Variants in SORCS1 observed in about 807,000 individuals in gnomAD.
SORCS1 encodes VPS10 domain-containing receptor SorCS1.
SORCS1 carries 60 observed loss-of-function variants against 146.1 expected under a neutral mutation model. The observed-to-expected ratio is 0.41, with a 90% CI of 0.33 to 0.51. SORCS1 has a LOEUF of 0.51. Ranked by LOEUF, SORCS1 falls within the 20% of genes least tolerant of loss-of-function variation. The pLI is 0.21. For missense variants in SORCS1, 1,352 were observed against 1,487.6 expected (o/e 0.91, Z 1.50); for synonymous variants, 637 against 584.0 (o/e 1.09, Z -1.31).
At chr10:106,967,483 C>A (rs1955551423) in intron 1 of SORCS1, among the ~76,000 whole-genome samples, 1 of 152,046 alleles carries the variant, frequency 6.6e-6, no homozygotes, top group South Asian at 2.1e-4. Context: ...GAGGAAAATG[C>A]ATATTCAAGA....
chr10:106,954,247 CTATACTT>C (rs1421501233), intron 2 of SORCS1, among the ~76,000 whole-genome samples: 1 of 152,132 alleles, frequency 6.6e-6, no homozygotes, highest in Non-Finnish European at 1.5e-5. Flanking sequence ...AATATGCAGA[CTATACTT>C]TATATGGAAA....
At chr10:107,160,132 G>C (rs550957800) in intron 1 of SORCS1, among the ~76,000 whole-genome samples, 1 of 152,296 alleles carries the variant, frequency 6.6e-6, no homozygotes, top group East Asian at 1.9e-4. Flanking sequence ...TTTCTACAAG[G>C]AGATGGAGCT....
At chr10:106,924,088 C>T (rs1369939840) in intron 2 of SORCS1, among the ~76,000 whole-genome samples, 2 of 152,106 alleles carry the variant, frequency 1.3e-5, no homozygotes, top group African/African-American at 2.4e-5. Flanking sequence ...AACCCCATCT[C>T]TACTAAAAAT....
chr10:106,760,414 A>G (rs922881746), intron 5 of SORCS1, among the ~76,000 whole-genome samples: 2 of 138,470 alleles, frequency 1.4e-5, no homozygotes, highest in African/African-American at 5.3e-5. Context: ...ACTGCACTCC[A>G]GCCTGGTGAC....
At chr10:107,103,612 A>T (rs10884416) in intron 1 of SORCS1, among the ~76,000 whole-genome samples, 6,853 of 152,236 alleles carry the variant, frequency 0.045, 524 homozygotes, top group East Asian at 0.39. Context: ...CAGTGGGAGA[A>T]ATTTATCATC....
chr10:106,829,828 T>TTTAG (rs1385781258), intron 2 of SORCS1, among the ~76,000 whole-genome samples, 155 bp from the exon 3 acceptor site: 1 of 152,194 alleles, frequency 6.6e-6, no homozygotes, highest in Non-Finnish European at 1.5e-5. Context: ...CACAGTAGCA[T>TTTAG]CATGTGAGTG....
chr10:106,927,850 T>C (rs1387244101), intron 2 of SORCS1, among the ~76,000 whole-genome samples: 1 of 151,956 alleles, frequency 6.6e-6, no homozygotes, highest in Non-Finnish European at 1.5e-5. Flanking sequence ...GAGTGCCGAT[T>C]GGTGTCTCAA....
chr10:107,019,269 CTATTAAA>C (rs1564932713), intron 1 of SORCS1, among the ~76,000 whole-genome samples: 1 of 152,116 alleles, frequency 6.6e-6, no homozygotes, highest in East Asian at 1.9e-4. Context: ...TTTCAAGTTA[CTATTAAA>C]TATTAGACGA....
chr10:106,767,904 C>T (rs983705118), intron 4 of SORCS1, among the ~76,000 whole-genome samples: 1 of 152,198 alleles, frequency 6.6e-6, no homozygotes, highest in Non-Finnish European at 1.5e-5. Flanking sequence ...TTAAATAGCA[C>T]AATTGTGCCT....
intron 1 of SORCS1, among the ~76,000 whole-genome samples, chr10:107,008,827 C>G (rs554499578): frequency 2.6e-5 from 4 of 152,170 alleles, no homozygotes; most frequent in Non-Finnish European, 5.9e-5. Context: ...GAAACCCCGT[C>G]TCTACTAAAA....
chr10:106,620,178 A>G (rs530675529), intron 20 of SORCS1: 25 of 387,632 alleles, frequency 6.4e-5, no homozygotes, highest in African/African-American at 4.9e-4. Flanking sequence ...CACTACAAAG[A>G]CAAGTACAGC....
Position 106,776,588 on chromosome 10 carries a change from C to T in SORCS1, c.831G>A (p.Leu277=). The T allele has an allele frequency of 6.2e-7, 1 of 1,614,048 alleles. No homozygotes were observed. Among genetic ancestry groups the T allele is most frequent in the Non-Finnish European group, 8.5e-7 (1 of 1,179,942 alleles). ...AGTCTTCTTGTTTGGGGTGAAAAAG[C>T]AAGCTTTGAATGTAGAAGTTCAGCC... ...KYRLNFYIQS[L]LFHPKQEDWI... The change falls in exon 4 of 26, where the codon TTG becomes TTA. Residue 277 remains leucine, a synonymous_variant. Transcript: ENST00000263054.
chr10:106,959,767 C>T (rs886970410), intron 1 of SORCS1, among the ~76,000 whole-genome samples: 2 of 152,224 alleles, frequency 1.3e-5, no homozygotes, highest in East Asian at 3.8e-4. Flanking sequence ...CCACTTTAAC[C>T]TCCTTAGTAG....
intron 2 of SORCS1, among the ~76,000 whole-genome samples, chr10:106,849,294 CT>C (rs1437876535): frequency 6.6e-6 from 1 of 150,460 alleles, no homozygotes; most frequent in African/African-American, 2.4e-5. Flanking sequence ...TCTTTTTATT[CT>C]TTTTTCTCTA....
At chr10:107,100,357 C>T (rs963032883) in intron 1 of SORCS1, among the ~76,000 whole-genome samples, 1 of 151,898 alleles carries the variant, frequency 6.6e-6, no homozygotes, top group African/African-American at 2.4e-5. Flanking sequence ...ACTAAAAATA[C>T]AAAAAACTTA....
chr10:106,655,003 T>G (rs1265868617), intron 17 of SORCS1, among the ~76,000 whole-genome samples: 1 of 152,050 alleles, frequency 6.6e-6, no homozygotes, highest in Non-Finnish European at 1.5e-5. Flanking sequence ...ATTACAGGCA[T>G]GTGCCACCAC....
At chr10:106,811,384 G>A (rs1043572401) in intron 3 of SORCS1, among the ~76,000 whole-genome samples, 1 of 152,158 alleles carries the variant, frequency 6.6e-6, no homozygotes. Context: ...CTTCCTGTTG[G>A]CACAGCTCAC....
At chr10:106,703,829 C>T (rs1854310543) in intron 8 of SORCS1, among the ~76,000 whole-genome samples, 1 of 152,138 alleles carries the variant, frequency 6.6e-6, no homozygotes, top group South Asian at 2.1e-4. Context: ...AATAAAGAAT[C>T]TCATTGCCTT....
chr10:106,956,861 T>C (rs894401977), intron 1 of SORCS1, among the ~76,000 whole-genome samples: 11 of 152,156 alleles, frequency 7.2e-5, no homozygotes, highest in African/African-American at 2.7e-4. Flanking sequence ...TTAGCGCTTT[T>C]AGGGAAGGCT....
Sources: allele counts gnomAD v4.1 joint callset (sites outside exome capture counted in the v4.1 genomes callset), GRCh38; gene constraint gnomAD v4.1.1; transcripts MANE v1.5; gene names NCBI Gene and HGNC (gene_info 2026-07-23, HGNC 2026-07-21).